The following ADAM2 variants were observed in gnomAD, a reference collection of about 807,000 sequenced individuals.
ADAM2 encodes ADAM metallopeptidase domain 2.
A neutral mutation model predicts 99.3 loss-of-function variants in ADAM2; 101 were observed. The ratio of observed to expected loss-of-function variants is 1.02; its 90% CI spans 0.87 to 1.20. The LOEUF (loss-of-function observed/expected upper bound fraction) is 1.20. Ranked by LOEUF, ADAM2 falls within the 50% of genes most tolerant of loss-of-function variation. The pLI, the probability that ADAM2 is intolerant of heterozygous loss-of-function variation, is 0.00. For missense variants in ADAM2, 948 were observed against 878.7 expected, an observed-to-expected ratio of 1.08 and a Z score of -1.00; for synonymous variants, 323 against 287.6, an observed-to-expected ratio of 1.12 and a Z score of -1.25.
chr8:39,747,243 T>C (rs1823509402), intron 18 of ADAM2, among the ~76,000 whole-genome samples: 1 of 152,206 alleles, frequency 6.6e-6, no homozygotes, highest in Admixed American at 6.5e-5. Flanking sequence ...CCAATGAACG[T>C]ACATGCTACC....
chr8:39,753,872 A>T (rs6995290), intron 16 of ADAM2, among the ~76,000 whole-genome samples: 2,953 of 152,260 alleles, frequency 0.019, 110 homozygotes, highest in African/African-American at 0.067. Context: ...GGCAAGAAAT[A>T]GCATGAAAAT....
chr8:39,791,838 C>T (rs1449806509), intron 7 of ADAM2, among the ~76,000 whole-genome samples: 1 of 151,962 alleles, frequency 6.6e-6, no homozygotes, highest in African/African-American at 2.4e-5. Context: ...AAATCTTTGA[C>T]TATATTGGTC....
rs1194478679 is a variant in ADAM2 at position 39,744,824 on chromosome 8, A to G, written c.*30+6T>C. 6.4e-7 allele frequency: 1 copy of G among 1,560,304 alleles called. No homozygotes were observed. The highest frequency in any genetic ancestry group is 1.2e-5 in the South Asian group (1 of 83,556). Reference sequence around the variant, plus strand: ...AATAAATTTTAAAAAAATGAAAGAAACTCACAGTGATATCATGGCATCTCT... The same window carrying G: ...AATAAATTTTAAAAAAATGAAAGAAGCTCACAGTGATATCATGGCATCTCT... On this transcript the variant is annotated splice_donor_region_variant and intron_variant, in intron 20 of 20. Coordinates refer to ENST00000265708, the MANE Select transcript of ADAM2 (RefSeq NM_001464.5).
intron 7 of ADAM2, among the ~76,000 whole-genome samples, chr8:39,802,805 C>T (rs1804274259): frequency 6.6e-6 from 1 of 152,154 alleles, no homozygotes. Context: ...TTTCAACTAA[C>T]TGCCCTCTGA....
chr8:39,768,295 C>G (rs1050186525), intron 12 of ADAM2, among the ~76,000 whole-genome samples: 10 of 152,142 alleles, frequency 6.6e-5, no homozygotes, highest in African/African-American at 2.4e-4. Flanking sequence ...TCACATATCT[C>G]AGGATCTATA....
Position 39,821,036 on chromosome 8 carries a change from G to T in ADAM2, c.479C>A (p.Ser160Ter), listed in dbSNP as rs1261771116. The part of the protein sequence containing the change: ...VSLYNEKDIE[S>*]RDLSFKLQSV... The stretch of plus-strand genomic sequence containing the variant: ...TTGTAATTTAAAGGACAGATCTCTT[G>T]ATTCAATATCCTTCTCATTATATAA... The change falls in exon 6 of 21, where the codon TCA becomes TAA. Residue 160 changes from serine (S) to a stop codon, truncating the protein, a stop_gained. Coordinates refer to ENST00000265708, the MANE Select transcript of ADAM2 (RefSeq NM_001464.5). LOFTEE classifies it high-confidence loss of function. 1 of 1,602,632 alleles carries T rather than the reference G, an allele frequency of 6.2e-7. No homozygotes were observed. Among genetic ancestry groups the T allele is most frequent in the Non-Finnish European group, 8.5e-7 (1 of 1,173,292 alleles).
chr8:39,786,875 G>T, intron 10 of ADAM2, 99 bp downstream of exon 10: 1 of 877,050 alleles, frequency 1.1e-6, no homozygotes, highest in Non-Finnish European at 1.7e-6. Flanking sequence ...AAGATGCTTA[G>T]AACAATGCAA....
intron 11 of ADAM2, 110 bp from the exon 12 acceptor site, chr8:39,769,685 G>C: frequency 3.0e-6 from 2 of 657,410 alleles, no homozygotes; most frequent in Non-Finnish European, 5.2e-6. Context: ...TCCCAAGTCT[G>C]TGAGTGTCAA....
At chr8:39,778,813 G>A (rs1418994921) in intron 10 of ADAM2, among the ~76,000 whole-genome samples, 1 of 152,094 alleles carries the variant, frequency 6.6e-6, no homozygotes, top group Non-Finnish European at 1.5e-5. Context: ...GCTAAATACT[G>A]TAGTAGTATA....
intron 19 of ADAM2, among the ~76,000 whole-genome samples, chr8:39,745,988 T>TGTGTGTGTGTGTGTGC (rs1823427741): frequency 1.4e-5 from 2 of 142,180 alleles, no homozygotes; most frequent in Non-Finnish European, 3.0e-5. Context: ...TGCATGTGTA[T>TGTGTGTGTGTGTGTGC]GTGTGTGTGT....
intron 14 of ADAM2, 67 bp from the exon 15 acceptor site, chr8:39,761,348 CTT>C (rs1802364425): frequency 1.3e-6 from 1 of 790,804 alleles, no homozygotes; most frequent in African/African-American, 1.8e-5. Context: ...AACAAATACA[CTT>C]AAAATTCTGA....
In ADAM2 at chr8:39,776,571, G is replaced by T. The variant is rs548052370; in HGVS notation, c.1028+454C>A. Reference sequence around the variant, plus strand: ...AAAAAAAATTCACTAGATCGTTGAGGCCTGATTAGAATACTGCAAACGACT... The same window carrying T: ...AAAAAAAATTCACTAGATCGTTGAGTCCTGATTAGAATACTGCAAACGACT... On this transcript the variant is annotated intron_variant, in intron 11 of 20. Coordinates refer to ENST00000265708, the MANE Select transcript of ADAM2 (RefSeq NM_001464.5). 5.1e-4 allele frequency among the ~76,000 whole-genome samples: 77 copies of T among 152,116 alleles called. 1 individual carries two copies. The highest frequency in any genetic ancestry group is 1.8e-3 in the African/African-American group (74 of 41,508).
At chr8:39,812,940 G>A (rs541102447) in intron 6 of ADAM2, among the ~76,000 whole-genome samples, 21 of 152,242 alleles carry the variant, frequency 1.4e-4, no homozygotes, top group Admixed American at 2.6e-4. Flanking sequence ...AAACTAAAGC[G>A]CTTTTGCACA....
intron 11 of ADAM2, among the ~76,000 whole-genome samples, chr8:39,770,320 G>A (rs1409014450): frequency 1.3e-5 from 2 of 152,062 alleles, no homozygotes; most frequent in South Asian, 2.1e-4. Flanking sequence ...TGCAAATAGC[G>A]TCTATGCCCA....
In ADAM2 at chr8:39,788,757, C is replaced by T. The variant is rs1803581285; in HGVS notation, c.571-17G>A. 7.5e-7 allele frequency: 1 copy of T among 1,328,316 alleles called. No individual in the cohort carries two copies. The highest frequency in any genetic ancestry group is 1.0e-6 in the Non-Finnish European group (1 of 977,042). The allele number at this position is 1,328,316 out of a possible 1,614,324, so 82.3% of individuals were successfully genotyped here. A position where few individuals can be genotyped will look rare whatever the true frequency, so the allele number is the denominator to read the frequency against. ...ATGATTATACTGTAAAATATTATTA[C>T]ATTTTAGATATAAATATATATTGCT... is the stretch of plus-strand genomic sequence containing the variant. On this transcript the variant is annotated splice_polypyrimidine_tract_variant and intron_variant, in intron 7 of 20. Coordinates refer to ENST00000265708, the MANE Select transcript of ADAM2 (RefSeq NM_001464.5).
intron 10 of ADAM2, among the ~76,000 whole-genome samples, chr8:39,778,707 A>G (rs1586086315): frequency 1.3e-5 from 2 of 152,212 alleles, no homozygotes; most frequent in Admixed American, 6.6e-5. Flanking sequence ...GAAAGGAATG[A>G]AAAGGAGAAG....
At chr8:39,817,844 G>A (rs1805018239) in intron 6 of ADAM2, 1 of 151,538 alleles carries the variant, frequency 6.6e-6, no homozygotes, top group African/African-American at 2.4e-5. Context: ...AATATGACAA[G>A]AAATAAATAG....
At chr8:39,779,234 T>C (rs913913960) in intron 10 of ADAM2, among the ~76,000 whole-genome samples, 6 of 152,140 alleles carry the variant, frequency 3.9e-5, no homozygotes, top group Non-Finnish European at 5.9e-5. Flanking sequence ...ATCAGGGTGC[T>C]GGCAGGGTTG....
intron 16 of ADAM2, among the ~76,000 whole-genome samples, chr8:39,752,460 ATCCCT>A (rs1801985215): frequency 6.6e-6 from 1 of 152,148 alleles, no homozygotes; most frequent in Non-Finnish European, 1.5e-5. Flanking sequence ...TAAATTCTCA[ATCCCT>A]TCCCTCAAAC....
Sources: gnomAD v4.1 joint callset for allele counts (sites outside exome capture counted in the v4.1 genomes callset) on GRCh38, gnomAD v4.1.1 for gene constraint, MANE v1.5 for transcripts, NCBI Gene and HGNC (gene_info 2026-07-23, HGNC 2026-07-21) for gene names.